Variants in BCAR3 observed in about 807,000 individuals in gnomAD.
BCAR3 encodes the protein breast cancer anti-estrogen resistance protein 3.
A neutral mutation model predicts 80.1 loss-of-function variants in BCAR3; 37 were observed. The ratio of observed to expected loss-of-function variants is 0.46; its 90% CI spans 0.36 to 0.61. BCAR3 has a LOEUF of 0.61. Ranked by LOEUF, BCAR3 falls within the 20% of genes least tolerant of loss-of-function variation. The pLI, the probability that BCAR3 is intolerant of heterozygous loss-of-function variation, is 0.00. For synonymous variants in BCAR3, 389 were observed against 418.9 expected, an observed-to-expected ratio of 0.93 and a Z score of 0.87; for missense variants, 978 against 1,068.2, an observed-to-expected ratio of 0.92 and a Z score of 1.18.
intron 2 of BCAR3, among the ~76,000 whole-genome samples, chr1:93,778,430 A>G (rs997060440): frequency 6.6e-6 from 1 of 152,080 alleles, no homozygotes; most frequent in Non-Finnish European, 1.5e-5. Flanking sequence ...CTAATTACTT[A>G]TTTGCTCTAT....
chr1:93,810,886 G>T (rs949021783), intron 2 of BCAR3, among the ~76,000 whole-genome samples: 1 of 152,156 alleles, frequency 6.6e-6, no homozygotes, highest in African/African-American at 2.4e-5. Context: ...TCATCTTACA[G>T]ATGAGAAACC....
At chr1:93,665,695 GC>G (rs1647875120) in intron 2 of BCAR3, among the ~76,000 whole-genome samples, 1 of 151,946 alleles carries the variant, frequency 6.6e-6, no homozygotes, top group Non-Finnish European at 1.5e-5. Flanking sequence ...AATTCCAACC[GC>G]CTGTCTGTTT....
intron 9 of BCAR3, among the ~76,000 whole-genome samples, chr1:93,568,374 G>T (rs774642006): frequency 1.3e-5 from 2 of 152,122 alleles, no homozygotes; most frequent in Non-Finnish European, 2.9e-5. Flanking sequence ...CTGCTTGTGC[G>T]TGTGTGTTTC....
At chr1:93,645,714 T>A (rs1388802877) in intron 2 of BCAR3, among the ~76,000 whole-genome samples, 1 of 150,994 alleles carries the variant, frequency 6.6e-6, no homozygotes, top group Non-Finnish European at 1.5e-5. Flanking sequence ...ATGCATTTTA[T>A]GATATGCATA....
intron 2 of BCAR3, among the ~76,000 whole-genome samples, chr1:93,831,112 T>C (rs1261592045): frequency 2.6e-5 from 4 of 152,180 alleles, no homozygotes; most frequent in Non-Finnish European, 2.9e-5. Flanking sequence ...GACGCCTGCC[T>C]GATTATTCGC....
chr1:93,591,515 C>G (rs1250655174), intron 4 of BCAR3, among the ~76,000 whole-genome samples: 3 of 152,126 alleles, frequency 2.0e-5, no homozygotes, highest in Admixed American at 2.0e-4. Context: ...GCCCTTCCCC[C>G]CAGCCCCTGT....
At chr1:93,643,366 C>T (rs989525203) in intron 2 of BCAR3, among the ~76,000 whole-genome samples, 2 of 150,774 alleles carry the variant, frequency 1.3e-5, no homozygotes, top group African/African-American at 4.9e-5. Flanking sequence ...CTCTACTATA[C>T]TAAAAACACA....
intron 2 of BCAR3, among the ~76,000 whole-genome samples, chr1:93,842,650 C>T (rs12069476): frequency 0.11 from 17,096 of 152,194 alleles, 2,092 homozygotes; most frequent in African/African-American, 0.3. Context: ...ATAGTAATCA[C>T]TCTAAACACA....
chr1:93,665,750 C>A (rs922078385), intron 2 of BCAR3, among the ~76,000 whole-genome samples: 1 of 152,122 alleles, frequency 6.6e-6, no homozygotes, highest in Non-Finnish European at 1.5e-5. Context: ...CTTAGCAAAC[C>A]CCAAACAGAA....
upstream of BCAR3, among the ~76,000 whole-genome samples, chr1:93,682,716 G>A (rs1648837508): frequency 6.6e-6 from 1 of 152,158 alleles, no homozygotes. Context: ...CACTATGCCC[G>A]GCTAATTTTT....
At position 93,585,094 on chromosome 1, in the gene BCAR3, C is replaced by T. The variant is rs185244045; in HGVS notation, c.930-973G>A. ...GCAAATTACAAAAGGAAATATCTCC[C>T]GAGAAGTGATATTTAAGCAGTGACC... On this transcript the variant is annotated intron_variant, in intron 5 of 11. Coordinates refer to ENST00000260502, the MANE Select transcript of BCAR3 (RefSeq NM_003567.4). 20 of 985,414 alleles carry T rather than the reference C, an allele frequency of 2.0e-5. No individual in the cohort carries two copies. In the Admixed American group the frequency reaches 9.8e-4, roughly 48 times the overall value. 61.0% of individuals were successfully genotyped at this position (985,414 alleles called of 1,614,324 possible).
chr1:93,844,381 C>G (rs141397041), intron 2 of BCAR3, among the ~76,000 whole-genome samples: 2 of 152,338 alleles, frequency 1.3e-5, no homozygotes, highest in South Asian at 4.1e-4. Flanking sequence ...CGAACTCAAA[C>G]TGCAGATGTG....
chr1:93,720,907 G>A (rs941899644), intron 2 of BCAR3, among the ~76,000 whole-genome samples: 4 of 149,390 alleles, frequency 2.7e-5, no homozygotes, highest in African/African-American at 1.0e-4. Flanking sequence ...GTGTCTGCCT[G>A]CCCTGCCATT....
At chr1:93,580,386 T>C (rs988786432) in intron 7 of BCAR3, among the ~76,000 whole-genome samples, 1 of 152,090 alleles carries the variant, frequency 6.6e-6, no homozygotes, top group Non-Finnish European at 1.5e-5. Flanking sequence ...AGCCTCTTTA[T>C]ATTGAAAAGA....
chr1:93,634,719 AC>A (rs61535493), intron 3 of BCAR3, among the ~76,000 whole-genome samples: 24,139 of 136,268 alleles, frequency 0.18, 2,046 homozygotes, highest in African/African-American at 0.27. Flanking sequence ...AACAACAACA[AC>A]AAAAAAAAAA....
intron 2 of BCAR3, among the ~76,000 whole-genome samples, chr1:93,830,452 A>G (rs1317023743): frequency 2.0e-5 from 3 of 152,136 alleles, no homozygotes; most frequent in African/African-American, 7.2e-5. Context: ...ACATTCCACC[A>G]TTGTGATTTG....
At chr1:93,832,823 C>T (rs1458265965) in intron 2 of BCAR3, among the ~76,000 whole-genome samples, 1 of 152,170 alleles carries the variant, frequency 6.6e-6, no homozygotes, top group African/African-American at 2.4e-5. Context: ...TAGGTAGAGA[C>T]ATTTTAACTA....
At position 93,611,062 on chromosome 1, in the gene BCAR3, C is replaced by T. The variant is rs570657205; in HGVS notation, c.358-18669G>A. Among the ~76,000 whole-genome samples the T allele has an allele frequency of 9.2e-5, 14 of 152,302 alleles. No individual in the cohort carries two copies. The East Asian group carries it at 2.7e-3, about 29-fold the overall frequency. On this transcript the variant is annotated intron_variant, in intron 3 of 11. Transcript: ENST00000260502. Reference sequence around the variant, plus strand: ...GGAAAGGGTAAATTATTGCCCTGCTCACCTCACAGAGCTTATTTTCAGACT... The same window carrying T: ...GGAAAGGGTAAATTATTGCCCTGCTTACCTCACAGAGCTTATTTTCAGACT...
chr1:93,820,833 G>A (rs139488458), intron 2 of BCAR3, among the ~76,000 whole-genome samples: 5 of 152,130 alleles, frequency 3.3e-5, no homozygotes, highest in Non-Finnish European at 7.4e-5. Flanking sequence ...TGATTCCTCT[G>A]GTAAGCCGAC....
Sources: gnomAD v4.1 joint callset for allele counts (sites outside exome capture counted in the v4.1 genomes callset) on GRCh38, gnomAD v4.1.1 for gene constraint, MANE v1.5 for transcripts, NCBI Gene and HGNC (gene_info 2026-07-23, HGNC 2026-07-21) for gene names.